The following XNDC1N variants were observed in gnomAD, a reference collection of about 807,000 sequenced individuals.
XNDC1N encodes XRCC1 N-terminal domain containing 1, N-terminal like, also known as protein XNDC1N.
chr11:71,893,686 T>A, the XNDC1N span: 1 of 1,337,826 alleles, frequency 7.5e-7, no homozygotes, highest in East Asian at 2.9e-5. Context: ...TGACACCGGT[T>A]TCACCTCGGC....
the XNDC1N span, chr11:71,917,708 T>C: frequency 1.8e-5 from 13 of 703,116 alleles, 1 homozygote; most frequent in African/African-American, 2.1e-4. Context: ...AGCAGGGTTA[T>C]GAAAGGTCTG....
At chr11:71,919,189 A>G in the XNDC1N span, among the ~76,000 whole-genome samples, 1 of 152,148 alleles carries the variant, frequency 6.6e-6, no homozygotes, top group Non-Finnish European at 1.5e-5. Flanking sequence ...TCATGTGCCA[A>G]GTGGTTTACA....
the XNDC1N span, chr11:71,914,407 C>T: frequency 2.2e-6 from 1 of 455,898 alleles, no homozygotes; most frequent in Non-Finnish European, 4.4e-6. Flanking sequence ...GAGAACTTGG[C>T]CAGGCATGGT....
At chr11:71,906,723 A>G in the XNDC1N span, among the ~76,000 whole-genome samples, 4 of 152,186 alleles carry the variant, frequency 2.6e-5, no homozygotes, top group African/African-American at 9.7e-5. Flanking sequence ...TTTCTATAGA[A>G]GATTACACGT....
chr11:71,889,088 C>T, the XNDC1N span, among the ~76,000 whole-genome samples: 1 of 152,220 alleles, frequency 6.6e-6, no homozygotes, highest in Non-Finnish European at 1.5e-5. Flanking sequence ...TTGCCCCAGG[C>T]CACTTCAGCC....
chr11:71,909,575 T>C, the XNDC1N span, among the ~76,000 whole-genome samples: 6 of 152,230 alleles, frequency 3.9e-5, no homozygotes, highest in Non-Finnish European at 5.9e-5. Flanking sequence ...AAAGAGCCTC[T>C]GGTCAGAATG....
At chr11:71,884,570 A>G in the XNDC1N span, 3 of 1,594,930 alleles carry the variant, frequency 1.9e-6, no homozygotes, top group Non-Finnish European at 2.6e-6. Context: ...GAAAATTCTA[A>G]CTCCATCTTC....
At chr11:71,886,369 C>T in the XNDC1N span, among the ~76,000 whole-genome samples, 2 of 152,108 alleles carry the variant, frequency 1.3e-5, no homozygotes, top group African/African-American at 4.8e-5. Flanking sequence ...CATGCACCAG[C>T]TGATTATCAA....
chr11:71,915,370 C>T, the XNDC1N span, among the ~76,000 whole-genome samples: 2 of 151,824 alleles, frequency 1.3e-5, no homozygotes, highest in African/African-American at 2.4e-5. Context: ...ATGGCAAGAA[C>T]CTGGGAGGTG....
the XNDC1N span, among the ~76,000 whole-genome samples, chr11:71,912,899 G>T: frequency 6.6e-6 from 1 of 152,034 alleles, no homozygotes; most frequent in African/African-American, 2.4e-5. Context: ...CATCACAAGT[G>T]GGGTGTACTC....
the XNDC1N span, chr11:71,919,074 G>A: frequency 4.3e-6 from 3 of 694,996 alleles, no homozygotes; most frequent in Admixed American, 2.0e-5. Flanking sequence ...GCGCCCAAGG[G>A]AAAAAGGATG....
At chr11:71,898,529 C>T in the XNDC1N span, among the ~76,000 whole-genome samples, 4 of 152,188 alleles carry the variant, frequency 2.6e-5, no homozygotes, top group African/African-American at 9.7e-5. Context: ...ATCGCTTGAA[C>T]CCAGGATGTG....
At chr11:71,903,482 G>A in the XNDC1N span, 1 of 779,442 alleles carries the variant, frequency 1.3e-6, no homozygotes, top group Non-Finnish European at 2.3e-6. Context: ...CAGGCTGCCT[G>A]ACTCAGATGT....
At chr11:71,917,211 A>C in the XNDC1N span, 1 of 551,210 alleles carries the variant, frequency 1.8e-6, no homozygotes, top group Non-Finnish European at 3.3e-6. Context: ...ATGGGATTTC[A>C]CCATGCTGGC....
At chr11:71,880,664 C>T in the XNDC1N span, among the ~76,000 whole-genome samples, 1 of 152,106 alleles carries the variant, frequency 6.6e-6, no homozygotes, top group Non-Finnish European at 1.5e-5. Flanking sequence ...AAAATTCTCT[C>T]TTAGCACTGT....
chr11:71,920,232 A>G, the XNDC1N span, among the ~76,000 whole-genome samples: 1 of 152,006 alleles, frequency 6.6e-6, no homozygotes, highest in African/African-American at 2.4e-5. Context: ...AGCTGGGATT[A>G]CAGGCGTGAG....
At chr11:71,927,995 T>G in the XNDC1N span, 5,067 of 158,150 alleles carry the variant, frequency 0.032, 81 homozygotes, top group East Asian at 0.08. Flanking sequence ...CAGAGGCGTG[T>G]GAGCTGGGGC....
the XNDC1N span, among the ~76,000 whole-genome samples, chr11:71,875,045 A>G: frequency 6.6e-6 from 1 of 152,330 alleles, no homozygotes; most frequent in East Asian, 1.9e-4. Context: ...TGGAAATAGT[A>G]GAGAAGCCCC....
chr11:71,907,458 C>A, the XNDC1N span, among the ~76,000 whole-genome samples: 1 of 65,998 alleles, frequency 1.5e-5, no homozygotes. Context: ...GGAGTAAGAG[C>A]CAGCCCCTCT....
Sources: gnomAD v4.1 joint callset for allele counts (sites outside exome capture counted in the v4.1 genomes callset) on GRCh38, gnomAD v4.1.1 for gene constraint, MANE v1.5 for transcripts, NCBI Gene and HGNC (gene_info 2026-07-23, HGNC 2026-07-21) for gene names.